Variants in VPS13C observed in about 807,000 individuals in gnomAD.
VPS13C encodes the protein intermembrane lipid transfer protein VPS13C.
VPS13C carries 358 observed loss-of-function variants against 456.8 expected under a neutral mutation model. The ratio of observed to expected loss-of-function variants is 0.78; its 90% CI spans 0.72 to 0.86. The LOEUF is 0.86. Among genes scored for constraint, VPS13C ranks in the 40% least tolerant of loss-of-function variants. VPS13C has a pLI of 0.00. For missense variants in VPS13C, 4,818 were observed against 4,385.4 expected, an observed-to-expected ratio of 1.10 and a Z score of -2.79; for synonymous variants, 1,578 against 1,486.7, an observed-to-expected ratio of 1.06 and a Z score of -1.41.
rs1172307852 is a variant in VPS13C at position 61,858,610 on chromosome 15, G to C, written c.10953-2201C>G. On this transcript the variant is annotated intron_variant, in intron 82 of 84. Transcript: ENST00000644861. The surrounding 1 kb of genome is among the most constrained non-coding windows in gnomAD (Gnocchi z 4.4). The stretch of plus-strand genomic sequence containing the variant: ...ATAATGGATTTTACTTCCAAGATTA[G>C]GTTATTATAAGGCACAGGTGACTCT... 1.3e-5 allele frequency among the ~76,000 whole-genome samples: 2 copies of C among 152,168 alleles called. No individual in the cohort carries two copies. Among genetic ancestry groups the C allele is most frequent in the Admixed American group, 6.5e-5 (1 of 15,270 alleles).
At chr15:61,936,214 A>G (rs1206179574) in intron 48 of VPS13C, among the ~76,000 whole-genome samples, 1 of 152,176 alleles carries the variant, frequency 6.6e-6, no homozygotes, top group Non-Finnish European at 1.5e-5. Flanking sequence ...TTACAAGAAT[A>G]CCTTCCTTTC....
At position 62,023,406 on chromosome 15, in the gene VPS13C, C is replaced by T; in HGVS notation, c.624+5G>A. On this transcript the variant is annotated splice_donor_5th_base_variant and intron_variant, in intron 8 of 84. Coordinates refer to ENST00000644861, the MANE Select transcript of VPS13C (RefSeq NM_020821.3). ...TTATTAACTGAGTAAATAAAAATTA[C>T]TTACATCATCTTCATATTTAATGTG... is the stretch of plus-strand genomic sequence containing the variant. 1.4e-6 allele frequency: 2 copies of T among 1,421,364 alleles called. No homozygotes were observed. The highest frequency in any genetic ancestry group is 1.9e-6 in the Non-Finnish European group (2 of 1,055,220). 88.0% of individuals were successfully genotyped at this position (1,421,364 alleles called of 1,614,324 possible).
intron 15 of VPS13C, among the ~76,000 whole-genome samples, chr15:62,002,628 T>C (rs1596460309): frequency 6.6e-6 from 1 of 152,364 alleles, no homozygotes; most frequent in South Asian, 2.1e-4. Context: ...GTCTAGGTTT[T>C]CTTCTAGGGT....
At chr15:61,939,802 C>A (rs2044354949) in intron 47 of VPS13C, among the ~76,000 whole-genome samples, 1 of 152,114 alleles carries the variant, frequency 6.6e-6, no homozygotes, top group Admixed American at 6.6e-5. Context: ...TGAGGCCAGC[C>A]TGGCCAACCT....
intron 19 of VPS13C, among the ~76,000 whole-genome samples, chr15:61,984,647 C>T (rs1010876438): frequency 1.3e-5 from 2 of 152,110 alleles, no homozygotes; most frequent in African/African-American, 2.4e-5. Context: ...TAAATATTCA[C>T]AAAGGAAAGG....
intron 21 of VPS13C, among the ~76,000 whole-genome samples, chr15:61,981,887 A>AAAAAAT (rs2045900293): frequency 6.7e-6 from 1 of 149,292 alleles, no homozygotes; most frequent in South Asian, 2.1e-4. Flanking sequence ...AATAAAAAAT[A>AAAAAAT]AAAAAAAAAG....
intron 3 of VPS13C, among the ~76,000 whole-genome samples, chr15:62,037,954 G>A (rs912670786): frequency 3.9e-5 from 6 of 151,948 alleles, no homozygotes; most frequent in South Asian, 2.1e-4. Context: ...TGACCCAAAC[G>A]GAAGTATCCA....
intron 1 of VPS13C, among the ~76,000 whole-genome samples, chr15:62,053,877 G>A (rs989210661): frequency 1.3e-5 from 2 of 152,100 alleles, no homozygotes; most frequent in Non-Finnish European, 2.9e-5. Flanking sequence ...TGGTTTGCAG[G>A]GCCACAGATT....
In VPS13C at chr15:61,962,538, C is replaced by A. The variant is rs2045242817; in HGVS notation, c.3436G>T (p.Ala1146Ser). ...DVDPKTVHKK[A>S]VSIMGNEVFR... ...ACTTCATTTCCCATTATTGACACAG[C>A]CTGAAAAACAGAGACTTGAATGTAC... Residue 1146 changes from alanine to serine, a missense_variant and splice_region_variant, in exon 34 of 85, where the codon GCT becomes TCT. By Grantham distance (99) the Ala-to-Ser change is moderately conservative. Coordinates refer to ENST00000644861, the MANE Select transcript of VPS13C (RefSeq NM_020821.3). 1 of 1,605,738 alleles carries A rather than the reference C, an allele frequency of 6.2e-7. No homozygotes were observed. The highest frequency in any genetic ancestry group is 8.5e-7 in the Non-Finnish European group (1 of 1,175,322).
Position 61,958,601 on chromosome 15 carries a change from C to T in VPS13C, c.4165+7G>A. 1 of 1,511,262 alleles carries T rather than the reference C, an allele frequency of 6.6e-7. No homozygotes were observed. Among genetic ancestry groups the T allele is most frequent in the Admixed American group, 2.0e-5 (1 of 49,676 alleles). The allele number at this position is 1,511,262 out of a possible 1,614,324, so 93.6% of individuals were successfully genotyped here. ...ATGTATATTGCCACTTACTGTCAGC[C>T]TCTTACCTGTCTCTTGTACTCTTGG... On this transcript the variant is annotated splice_region_variant and intron_variant, in intron 37 of 84. Transcript: ENST00000644861.
chr15:62,004,029 A>C (rs1467106632), intron 15 of VPS13C, among the ~76,000 whole-genome samples: 7 of 151,314 alleles, frequency 4.6e-5, no homozygotes, highest in South Asian at 4.2e-4. Context: ...ATGATGCTGG[A>C]CTCATAAAAT....
chr15:61,873,144 A>G (rs1171058947), intron 78 of VPS13C, 102 bp downstream of exon 78: 1 of 1,465,124 alleles, frequency 6.8e-7, no homozygotes, highest in Admixed American at 2.1e-5. Context: ...TTCTATTCCT[A>G]CAGGCCTAGA....
intron 46 of VPS13C, among the ~76,000 whole-genome samples, chr15:61,941,537 A>G (rs879686167): frequency 1.1e-4 from 16 of 152,188 alleles, no homozygotes; most frequent in Non-Finnish European, 2.2e-4. Flanking sequence ...TAATTTTTAT[A>G]GAATGAAAAA....
chr15:61,977,613 C>A (rs1308277065), intron 23 of VPS13C, among the ~76,000 whole-genome samples: 3 of 151,902 alleles, frequency 2.0e-5, no homozygotes, highest in African/African-American at 7.2e-5. Context: ...AATATTTACA[C>A]CCAGCTTGGC....
intron 9 of VPS13C, among the ~76,000 whole-genome samples, chr15:62,017,070 CTTT>C (rs1004492484): frequency 6.6e-5 from 10 of 152,154 alleles, no homozygotes; most frequent in African/African-American, 2.2e-4. Flanking sequence ...TAAATGTCTT[CTTT>C]TGAGAAGCGT....
chr15:61,889,693 C>T (rs986898178), intron 67 of VPS13C, among the ~76,000 whole-genome samples: 5 of 152,124 alleles, frequency 3.3e-5, no homozygotes, highest in African/African-American at 9.7e-5. Context: ...ATATCAAATA[C>T]AGCCTCCTCT....
chr15:61,980,703 T>C (rs1332798242), intron 22 of VPS13C, among the ~76,000 whole-genome samples: 10 of 152,128 alleles, frequency 6.6e-5, no homozygotes, highest in Non-Finnish European at 1.5e-4. Flanking sequence ...AAGACTACAA[T>C]GACATGATTA....
In VPS13C at chr15:61,947,317, A is replaced by G; in HGVS notation, c.4760-8T>C. On this transcript the variant is annotated splice_region_variant and splice_polypyrimidine_tract_variant and intron_variant, in intron 42 of 84. Coordinates refer to ENST00000644861, the MANE Select transcript of VPS13C (RefSeq NM_020821.3). ...GGGAAATGTTGCTGGATACTAAAAA[A>G]TAATAGAAACCTTCTGATGAGCAAA... 1 of 1,586,508 alleles carries G rather than the reference A, an allele frequency of 6.3e-7. No homozygotes were observed. The highest frequency in any genetic ancestry group is 8.6e-7 in the Non-Finnish European group (1 of 1,159,152).
chr15:62,043,198 T>A (rs577115167), intron 2 of VPS13C, among the ~76,000 whole-genome samples: 50 of 152,300 alleles, frequency 3.3e-4, no homozygotes, highest in African/African-American at 1.1e-3. Context: ...ACCTACTAAG[T>A]GCCAGGCTCT....
Sources: allele counts gnomAD v4.1 joint callset (sites outside exome capture counted in the v4.1 genomes callset), GRCh38; gene constraint gnomAD v4.1.1; non-coding constraint Gnocchi (gnomAD v3.1); transcripts MANE v1.5; gene names NCBI Gene and HGNC (gene_info 2026-07-23, HGNC 2026-07-21).